Variants in PAX7 observed in about 807,000 individuals in gnomAD.
PAX7 encodes the protein paired box protein Pax-7.
A neutral mutation model predicts 50.7 loss-of-function variants in PAX7; 18 were observed. That is an observed-to-expected ratio of 0.36 (90% CI 0.25 to 0.53). The LOEUF (loss-of-function observed/expected upper bound fraction) is 0.53. Among genes scored for constraint, PAX7 ranks in the 20% least tolerant of loss-of-function variants. The probability of loss-of-function intolerance (pLI) is 0.93; values close to 1 mark genes in which losing one functional copy is unlikely to be tolerated. For missense variants in PAX7, 644 were observed against 702.9 expected, an observed-to-expected ratio of 0.92 and a Z score of 0.95; for synonymous variants, 310 against 290.4, an observed-to-expected ratio of 1.07 and a Z score of -0.69.
In PAX7 at chr1:18,726,408, T is replaced by C. The variant is rs1389060738; in HGVS notation, c.1156-9224T>C. Among the ~76,000 whole-genome samples, 1 of 152,252 alleles carries C rather than the reference T, an allele frequency of 6.6e-6. No individual in the cohort carries two copies. ...TGCTCAGGATAAAAAGATAAATTCA[T>C]TTCTTCATTCATGAATTCCTCACTT... On this transcript the variant is annotated intron_variant, in intron 7 of 8. Transcript: ENST00000420770. This position sits in a 1 kb window ranked among gnomAD's most constrained non-coding sequence, Gnocchi z 4.8.
At chr1:18,684,898 C>T (rs966536791) in intron 4 of PAX7, among the ~76,000 whole-genome samples, 4 of 152,230 alleles carry the variant, frequency 2.6e-5, no homozygotes, top group African/African-American at 7.2e-5. Context: ...GGGCCACTGC[C>T]GGCCTCCACT....
Position 18,636,365 on chromosome 1 carries a change from G to T in PAX7, c.580G>T (p.Asp194Tyr). The T allele has an allele frequency of 5.0e-6, 8 of 1,614,142 alleles. No individual in the cohort carries two copies. Among genetic ancestry groups the T allele is most frequent in the Non-Finnish European group, 6.8e-6 (8 of 1,179,962 alleles). The change falls in exon 4 of 9, where the codon GAC (aspartate) becomes TAC (tyrosine). Residue 194 changes from aspartate to tyrosine, a missense_variant. Asp to Tyr is a radical substitution (Grantham distance 160). Transcript: ENST00000420770. This position sits in a 1 kb window ranked among gnomAD's most constrained non-coding sequence, Gnocchi z 5.1. ...AKHSIDGILG[D>Y]KGNRLDEGSD... ...ACACAGCATCGACGGCATCCTGGGC[G>T]ACAAAGGTAGGGAACTTCCCTGGGC...
chr1:18,716,257 C>T (rs2089418573), intron 7 of PAX7, among the ~76,000 whole-genome samples: 1 of 152,208 alleles, frequency 6.6e-6, no homozygotes, highest in Non-Finnish European at 1.5e-5. Context: ...AAGGATGGGC[C>T]TGGGTGCGCC....
At chr1:18,667,391 A>AAGGAAGGAAGG (rs1553136571) in intron 4 of PAX7, among the ~76,000 whole-genome samples, 7 of 113,388 alleles carry the variant, frequency 6.2e-5, no homozygotes, top group African/African-American at 2.4e-4. Flanking sequence ...AAGGAAGGAG[A>AAGGAAGGAAGG]AAGGAAGGAA....
intron 4 of PAX7, among the ~76,000 whole-genome samples, chr1:18,657,287 C>T (rs1247641393): frequency 6.6e-6 from 1 of 151,778 alleles, no homozygotes; most frequent in Admixed American, 6.6e-5. Context: ...GGGATTGAAA[C>T]TCCACCCCCA....
At position 18,735,522 on chromosome 1, in the gene PAX7, G is replaced by T; in HGVS notation, c.1156-110G>T. On this transcript the variant is annotated intron_variant, in intron 7 of 8. Transcript: ENST00000420770. The surrounding 1 kb of genome is among the most constrained non-coding windows in gnomAD (Gnocchi z 4.0). ...CCTCGAAGCTACAGAGACTTCAAGG[G>T]AACAACTCTGGCAAAGAGTGTTCCA... 1 of 1,513,996 alleles carries T rather than the reference G, an allele frequency of 6.6e-7. No individual in the cohort carries two copies. Among genetic ancestry groups the T allele is most frequent in the Non-Finnish European group, 8.9e-7 (1 of 1,128,698 alleles). The allele number at this position is 1,513,996 out of a possible 1,614,324, so 93.8% of individuals were successfully genotyped here.
intron 4 of PAX7, among the ~76,000 whole-genome samples, chr1:18,644,847 C>G (rs1293581728): frequency 6.6e-6 from 1 of 152,154 alleles, no homozygotes; most frequent in Non-Finnish European, 1.5e-5. Context: ...CTATACCACC[C>G]AAAAGAGAAA....
chr1:18,682,305 T>C (rs756775718), intron 4 of PAX7, among the ~76,000 whole-genome samples: 7 of 152,088 alleles, frequency 4.6e-5, no homozygotes, highest in Non-Finnish European at 7.4e-5. Flanking sequence ...AGGAGGCCTC[T>C]GGGGCAGCCA....
At chr1:18,737,091 G>A (rs968052879) in intron 8 of PAX7, among the ~76,000 whole-genome samples, 19 of 152,366 alleles carry the variant, frequency 1.2e-4, no homozygotes, top group East Asian at 3.9e-4. Context: ...GCTGGAAAAC[G>A]CAGGCCTGGA....
intron 4 of PAX7, among the ~76,000 whole-genome samples, chr1:18,686,892 TA>T (rs1415576547): frequency 1.4e-4 from 3 of 21,428 alleles, no homozygotes; most frequent in African/African-American, 7.1e-4. Context: ...ATTTTATTAT[TA>T]TTATTATTAT....
chr1:18,703,938 G>A (rs1230956512), intron 7 of PAX7, among the ~76,000 whole-genome samples: 5 of 152,148 alleles, frequency 3.3e-5, no homozygotes, highest in Admixed American at 6.5e-5. Context: ...ACTGCTCAGG[G>A]GTCTCTGAGG....
chr1:18,651,266 T>G (rs956180643), intron 4 of PAX7, among the ~76,000 whole-genome samples: 1 of 152,150 alleles, frequency 6.6e-6, no homozygotes, highest in Non-Finnish European at 1.5e-5. Context: ...TCCCTAAAAG[T>G]CTATATGCTG....
chr1:18,633,694 C>T (rs558239498), intron 1 of PAX7, among the ~76,000 whole-genome samples: 2 of 152,332 alleles, frequency 1.3e-5, no homozygotes, highest in South Asian at 2.1e-4. Flanking sequence ...ACCCGTCCCT[C>T]GGCTGTGCCT....
Position 18,643,117 on chromosome 1 carries a change from C to A in PAX7, c.586+6746C>A, listed in dbSNP as rs2088282573. ...GAAGTTGTGTGCGCCCCAAGTCCAGCTCAAAAGAGGCCCCGAGGGCATTCT... is the reference window on the plus strand; with the variant it reads ...GAAGTTGTGTGCGCCCCAAGTCCAGATCAAAAGAGGCCCCGAGGGCATTCT... On this transcript the variant is annotated intron_variant, in intron 4 of 8. Coordinates refer to ENST00000420770, the MANE Select transcript of PAX7 (RefSeq NM_001135254.2). Among the ~76,000 whole-genome samples, 3 of 152,310 alleles carry A rather than the reference C, an allele frequency of 2.0e-5. No individual in the cohort carries two copies. The South Asian group carries it at 6.2e-4, about 32-fold the overall frequency.
intron 4 of PAX7, among the ~76,000 whole-genome samples, chr1:18,645,142 G>C (rs910020457): frequency 1.3e-5 from 2 of 152,088 alleles, no homozygotes; most frequent in African/African-American, 4.8e-5. Context: ...GTGTGTGTGC[G>C]CGCGCGCGCG....
intron 4 of PAX7, among the ~76,000 whole-genome samples, chr1:18,658,465 T>G (rs1034322832): frequency 7.9e-5 from 12 of 152,344 alleles, no homozygotes; most frequent in African/African-American, 2.2e-4. Context: ...TACCATCGCC[T>G]CTGCAGACTT....
Position 18,634,818 on chromosome 1 carries a change from ATCT to A in PAX7, c.321+284_321+286del, listed in dbSNP as rs1377126842. 2.6e-5 allele frequency among the ~76,000 whole-genome samples: 4 copies of A among 152,184 alleles called. No homozygotes were observed. Among genetic ancestry groups the A allele is most frequent in the African/African-American group, 9.7e-5 (4 of 41,434 alleles). On this transcript the variant is annotated intron_variant, in intron 2 of 8. Coordinates refer to ENST00000420770, the MANE Select transcript of PAX7 (RefSeq NM_001135254.2). This position sits in a 1 kb window ranked among gnomAD's most constrained non-coding sequence, Gnocchi z 4.0. ...CTGTCACCTTCCAAGACCAGAAGAC[ATCT>A]TCTCTCAGTCTTTCCTGAGATAATG... is the stretch of plus-strand genomic sequence containing the variant.
chr1:18,745,504 G>T lies in PAX7; in HGVS notation c.*575G>T. 4.3e-6 allele frequency: 1 copy of T among 232,050 alleles called. No individual in the cohort carries two copies. The highest frequency in any genetic ancestry group is 8.5e-6 in the Non-Finnish European group (1 of 117,458). The allele number at this position is 232,050 out of a possible 1,614,324, so 14.4% of individuals were successfully genotyped here. ...GTCTTCCCAGGGGAGTCAGCAGGGG[G>T]GCAGTCTCACCCCCACCCAGGAATT... On this transcript the variant is annotated 3_prime_UTR_variant, in exon 9 of 9. Transcript: ENST00000420770.
At chr1:18,683,958 C>T (rs991585114) in intron 4 of PAX7, among the ~76,000 whole-genome samples, 1 of 152,082 alleles carries the variant, frequency 6.6e-6, no homozygotes, top group African/African-American at 2.4e-5. Context: ...GAGGGAGGGT[C>T]GAGGGTTTCT....
Sources: allele counts gnomAD v4.1 joint callset (sites outside exome capture counted in the v4.1 genomes callset), GRCh38; gene constraint gnomAD v4.1.1; non-coding constraint Gnocchi (gnomAD v3.1); transcripts MANE v1.5; gene names NCBI Gene and HGNC (gene_info 2026-07-23, HGNC 2026-07-21).